SLIT3: variants seen among roughly 807,000 people sequenced by gnomAD.
SLIT3 encodes slit homolog 3 protein.
A neutral mutation model predicts 184.0 loss-of-function variants in SLIT3; 68 were observed. The ratio of observed to expected loss-of-function variants is 0.37; its 90% confidence interval spans 0.30 to 0.45. SLIT3 has a LOEUF of 0.45. Ranked by LOEUF, SLIT3 falls within the 20% of genes least tolerant of loss-of-function variation. The pLI is 1.00. For synonymous variants in SLIT3, 831 were observed against 828.6 expected, an observed-to-expected ratio of 1.00 and a Z score of -0.05; for missense variants, 1,707 against 2,026.0, an observed-to-expected ratio of 0.84 and a Z score of 3.02.
In SLIT3 at chr5:169,207,535, G is replaced by C. The variant is rs554417907; in HGVS notation, c.342-13985C>G. ...ATTTTCAATTGTGGATGAAGGCAAA[G>C]GGCTCCACATTCACACTCTTGTGCC... On this transcript the variant is annotated intron_variant, in intron 3 of 35. Transcript: ENST00000519560. Among the ~76,000 whole-genome samples the C allele has an allele frequency of 3.9e-5, 6 of 152,178 alleles. No homozygotes were observed. In the East Asian group the frequency reaches 1.2e-3, roughly 29 times the overall value.
intron 1 of SLIT3, among the ~76,000 whole-genome samples, chr5:169,291,608 C>T (rs543418510): frequency 6.6e-6 from 1 of 152,350 alleles, no homozygotes; most frequent in East Asian, 1.9e-4. Context: ...CATGATGGCT[C>T]TGTTTCACCA....
At chr5:169,122,041 G>A (rs1053746414) in intron 4 of SLIT3, among the ~76,000 whole-genome samples, 13 of 152,302 alleles carry the variant, frequency 8.5e-5, no homozygotes, top group African/African-American at 2.2e-4. Flanking sequence ...GGCAACTTCC[G>A]GTTGCTTTCC....
At chr5:168,804,310 CAAAAAAAAAAAAAAAA>C (rs770650322) in intron 9 of SLIT3, among the ~76,000 whole-genome samples, 1 of 52,356 alleles carries the variant, frequency 1.9e-5, no homozygotes, top group African/African-American at 8.0e-5. Context: ...AACTCTTTCT[CAAAAAAAAAAAAAAAA>C]AAAAAAAAAA....
At chr5:169,159,944 A>G (rs1762426572) in intron 4 of SLIT3, among the ~76,000 whole-genome samples, 1 of 152,162 alleles carries the variant, frequency 6.6e-6, no homozygotes, top group Non-Finnish European at 1.5e-5. Context: ...CTGCCACTCC[A>G]ACTTAGACTA....
intron 4 of SLIT3, among the ~76,000 whole-genome samples, chr5:168,939,905 T>C (rs2113202050): frequency 6.6e-6 from 1 of 152,306 alleles, no homozygotes; most frequent in Non-Finnish European, 1.5e-5. Context: ...CCTATTATCC[T>C]ATTTTTATGC....
intron 8 of SLIT3, among the ~76,000 whole-genome samples, chr5:168,808,798 A>G (rs899881315): frequency 6.6e-6 from 1 of 152,208 alleles, no homozygotes; most frequent in Non-Finnish European, 1.5e-5. Context: ...CCCATCACCC[A>G]CATCGAAGGG....
chr5:168,773,309 C>T (rs1755629440), intron 13 of SLIT3, among the ~76,000 whole-genome samples: 1 of 152,160 alleles, frequency 6.6e-6, no homozygotes, highest in Non-Finnish European at 1.5e-5. Flanking sequence ...TCTCTAAGCT[C>T]AGTGACACTA....
At chr5:168,723,098 C>G in intron 21 of SLIT3, 94 bp from the exon 22 acceptor site, 1 of 824,688 alleles carries the variant, frequency 1.2e-6, no homozygotes, top group Admixed American at 1.8e-5. Flanking sequence ...CATCCACCCA[C>G]TCATCTACCC....
intron 4 of SLIT3, among the ~76,000 whole-genome samples, chr5:168,943,282 T>A (rs78757266): frequency 0.032 from 4,878 of 152,192 alleles, 124 homozygotes; most frequent in African/African-American, 0.059. Context: ...CATGTAAAAT[T>A]TTCCCGAGTT....
chr5:169,233,617 C>A (rs972764008), intron 3 of SLIT3, among the ~76,000 whole-genome samples: 1 of 152,164 alleles, frequency 6.6e-6, no homozygotes, highest in African/African-American at 2.4e-5. Context: ...CCTGCACATA[C>A]CGCACACGTA....
At chr5:168,798,239 T>TTTTTA (rs71310053) in intron 9 of SLIT3, among the ~76,000 whole-genome samples, 7 of 148,064 alleles carry the variant, frequency 4.7e-5, no homozygotes, top group Admixed American at 6.6e-5. Context: ...TTTTTTTTTT[T>TTTTTA]AAGAGACAGA....
chr5:168,986,379 GGTGGC>G (rs200820293), intron 4 of SLIT3, among the ~76,000 whole-genome samples: 3,558 of 151,088 alleles, frequency 0.024, 57 homozygotes, highest in Non-Finnish European at 0.035. Context: ...ATATTTGGAC[GGTGGC>G]GCCCTTCTTA....
chr5:168,814,175 C>T (rs1305840502), intron 8 of SLIT3, among the ~76,000 whole-genome samples: 1 of 151,946 alleles, frequency 6.6e-6, no homozygotes, highest in African/African-American at 2.4e-5. Flanking sequence ...GCGGGTGGAT[C>T]ACCTGAGGTC....
intron 4 of SLIT3, among the ~76,000 whole-genome samples, chr5:169,034,373 A>G (rs1757152800): frequency 6.6e-6 from 1 of 152,052 alleles, no homozygotes; most frequent in Admixed American, 6.5e-5. Flanking sequence ...TAGGAGTTTT[A>G]TGGTTTCAGA....
At chr5:169,294,341 T>G (rs1204612004) in intron 1 of SLIT3, among the ~76,000 whole-genome samples, 1 of 151,330 alleles carries the variant, frequency 6.6e-6, no homozygotes, top group African/African-American at 2.4e-5. Flanking sequence ...GCATTCCTTA[T>G]TTAAATATAC....
chr5:168,844,666 G>C lies in SLIT3; in HGVS notation c.486-11C>G. ...TTGTTGTCCAGTTGCCTGTGGAAAA[G>C]CAGGGGAGAGCATGAAGGCTGAGCG... On this transcript the variant is annotated splice_polypyrimidine_tract_variant and intron_variant, in intron 5 of 35. Transcript: ENST00000519560. 2 of 1,613,944 alleles carry C rather than the reference G, an allele frequency of 1.2e-6. No homozygotes were observed. The highest frequency in any genetic ancestry group is 1.7e-6 in the Non-Finnish European group (2 of 1,179,900).
intron 4 of SLIT3, among the ~76,000 whole-genome samples, chr5:169,138,361 G>A (rs1011202697): frequency 6.6e-6 from 1 of 152,164 alleles, no homozygotes; most frequent in Admixed American, 6.5e-5. Flanking sequence ...GGTGCCATTC[G>A]CATGGGTCCT....
At chr5:169,259,914 A>T (rs1415642419) in intron 1 of SLIT3, among the ~76,000 whole-genome samples, 4 of 152,190 alleles carry the variant, frequency 2.6e-5, no homozygotes, top group Admixed American at 2.6e-4. Context: ...AAGAATTTGC[A>T]AAATGAAACG....
intron 4 of SLIT3, among the ~76,000 whole-genome samples, chr5:169,097,332 A>G (rs757289230): frequency 3.3e-4 from 50 of 152,146 alleles, no homozygotes; most frequent in Non-Finnish European, 6.0e-4. Context: ...TGTTTTACCC[A>G]CAAAAGAATG....
Sources: allele counts gnomAD v4.1 joint callset (sites outside exome capture counted in the v4.1 genomes callset), GRCh38; gene constraint gnomAD v4.1.1; transcripts MANE v1.5; gene names NCBI Gene and HGNC (gene_info 2026-07-23, HGNC 2026-07-21).